The following PRDM16 variants were observed in gnomAD, a reference collection of about 807,000 sequenced individuals.
PRDM16 encodes PR/SET domain 16.
Under a neutral mutation model 110.6 loss-of-function variants are expected in PRDM16, and 23 were observed. That is an observed-to-expected ratio of 0.21 (90% CI 0.15 to 0.29). The LOEUF is 0.29. Among genes scored for constraint, PRDM16 ranks in the 10% least tolerant of loss-of-function variants. The pLI is 1.00. For synonymous variants in PRDM16, 799 were observed against 781.8 expected (o/e 1.02, Z -0.37); for missense variants, 1,615 against 1,794.3 (o/e 0.90, Z 1.81).
chr1:3,297,458 A>C (rs1161390755), intron 3 of PRDM16, among the ~76,000 whole-genome samples: 1 of 151,826 alleles, frequency 6.6e-6, no homozygotes, highest in Non-Finnish European at 1.5e-5. Flanking sequence ...TAATTTTTGT[A>C]TCTTTAGTAG....
In PRDM16 at chr1:3,195,217, G is replaced by A. The variant is rs75555907; in HGVS notation, c.387+8743G>A. On this transcript the variant is annotated intron_variant, in intron 2 of 16. Transcript: ENST00000270722. ...CCTCGGCGTTGCTCCGGGAGAAGCC[G>A]GCAGTGCCGTGGAGGAGTCACAGCA... is the stretch of plus-strand genomic sequence containing the variant. Among the ~76,000 whole-genome samples, 85 of 152,328 alleles carry A rather than the reference G, an allele frequency of 5.6e-4. No individual in the cohort carries two copies. In the East Asian group the frequency reaches 0.012, roughly 21 times the overall value.
chr1:3,402,654 G>A, intron 5 of PRDM16, 137 bp from the exon 6 acceptor site: 1 of 688,470 alleles, frequency 1.5e-6, no homozygotes, highest in Non-Finnish European at 2.5e-6. Flanking sequence ...AAGGCTGGAA[G>A]GAAGCAGTGC....
chr1:3,390,164 G>C lies in PRDM16; in HGVS notation c.573+4878G>C, dbSNP rs543647933. ...CGATGAAGCGCCTGCGGGGGGATGC[G>C]GGAGGCAGGGAGGAGCTGTCACAGC... On this transcript the variant is annotated intron_variant, in intron 4 of 16. Coordinates refer to ENST00000270722, the MANE Select transcript of PRDM16 (RefSeq NM_022114.4). This position sits in a 1 kb window ranked among gnomAD's most constrained non-coding sequence, Gnocchi z 5.0. 6.6e-6 allele frequency among the ~76,000 whole-genome samples: 1 copy of C among 152,196 alleles called. No individual in the cohort carries two copies. Among genetic ancestry groups the C allele is most frequent in the Non-Finnish European group, 1.5e-5 (1 of 68,036 alleles).
At chr1:3,387,913 T>A (rs1173443273) in intron 4 of PRDM16, among the ~76,000 whole-genome samples, 1 of 152,278 alleles carries the variant, frequency 6.6e-6, no homozygotes, top group Non-Finnish European at 1.5e-5. Flanking sequence ...AGGGATATAA[T>A]AGATTTCAAT....
At chr1:3,395,983 G>T (rs1643379628) in intron 4 of PRDM16, among the ~76,000 whole-genome samples, 1 of 152,192 alleles carries the variant, frequency 6.6e-6, no homozygotes, top group Non-Finnish European at 1.5e-5. Flanking sequence ...CCTGGCTCAT[G>T]GCATCCCCGC....
At chr1:3,129,059 T>TG (rs1643274823) in intron 1 of PRDM16, among the ~76,000 whole-genome samples, 1 of 151,920 alleles carries the variant, frequency 6.6e-6, no homozygotes, top group South Asian at 2.1e-4. Flanking sequence ...CATGTGTGTG[T>TG]GGGGGGTTGC....
intron 3 of PRDM16, among the ~76,000 whole-genome samples, chr1:3,289,352 G>A (rs1256323881): frequency 3.3e-5 from 5 of 152,248 alleles, no homozygotes; most frequent in Non-Finnish European, 7.3e-5. Context: ...GTGTCCCGAT[G>A]CCCGCCGGAG....
Position 3,412,768 on chromosome 1 carries a change from G to GC in PRDM16, c.2574dup (p.Ser859LeufsTer124). The GC allele has an allele frequency of 6.7e-7, 1 of 1,487,514 alleles. No individual in the cohort carries two copies. Among genetic ancestry groups the GC allele is most frequent in the Admixed American group, 2.4e-5 (1 of 42,124 alleles). The allele number at this position is 1,487,514 out of a possible 1,614,324, so 92.1% of individuals were successfully genotyped here. ...AGCAGCCCCCGCTCCACTACGCCAA[G>GC]CCCTCGCCCTTCTTCATGGACCCCA... On this transcript the variant is annotated frameshift_variant, in exon 9 of 17. Coordinates refer to ENST00000270722, the MANE Select transcript of PRDM16 (RefSeq NM_022114.4). LOFTEE classifies it high-confidence loss of function.
chr1:3,235,822 G>A (rs1236543653), intron 2 of PRDM16, among the ~76,000 whole-genome samples: 34 of 152,216 alleles, frequency 2.2e-4, no homozygotes, highest in Admixed American at 2.2e-3. Flanking sequence ...ATCTCCCCCA[G>A]GCCCCTCATT....
chr1:3,222,295 G>A (rs968673449), intron 2 of PRDM16, among the ~76,000 whole-genome samples: 1 of 149,710 alleles, frequency 6.7e-6, no homozygotes, highest in African/African-American at 2.5e-5. Context: ...AGGGAGCGGT[G>A]CCCCAGCTGC....
At chr1:3,288,027 C>T (rs1487434462) in intron 3 of PRDM16, among the ~76,000 whole-genome samples, 1 of 152,260 alleles carries the variant, frequency 6.6e-6, no homozygotes, top group Non-Finnish European at 1.5e-5. Context: ...GAGGCCCTGA[C>T]CAAGCCCAGG....
At chr1:3,202,300 C>T (rs1302984026) in intron 2 of PRDM16, among the ~76,000 whole-genome samples, 2 of 151,492 alleles carry the variant, frequency 1.3e-5, no homozygotes, top group East Asian at 3.9e-4. Flanking sequence ...GGGCCTCCTG[C>T]TTCCCCCATC....
intron 3 of PRDM16, among the ~76,000 whole-genome samples, chr1:3,248,913 C>T (rs1322614101): frequency 6.6e-6 from 1 of 152,156 alleles, no homozygotes; most frequent in East Asian, 1.9e-4. Context: ...GGACTGGGGG[C>T]TAATGAAGGA....
intron 1 of PRDM16, among the ~76,000 whole-genome samples, chr1:3,079,425 G>T (rs1311648136): frequency 1.3e-5 from 2 of 151,986 alleles, no homozygotes; most frequent in Non-Finnish European, 2.9e-5. Context: ...GGGCTGTCAG[G>T]GGGACTGTCC....
chr1:3,156,916 T>C (rs894036635), intron 1 of PRDM16, among the ~76,000 whole-genome samples: 3 of 152,206 alleles, frequency 2.0e-5, no homozygotes, highest in Middle Eastern at 3.2e-3. Context: ...GGCCTCCAGC[T>C]GCCTCGGTGG....
intron 1 of PRDM16, among the ~76,000 whole-genome samples, chr1:3,078,608 G>A (rs975283465): frequency 5.9e-5 from 9 of 152,382 alleles, no homozygotes; most frequent in African/African-American, 1.9e-4. Flanking sequence ...CTTTGCTGCT[G>A]TGAGCCTCTG....
In PRDM16 at chr1:3,175,582, G is replaced by T. The variant is rs757192173; in HGVS notation, c.38-10543G>T. Among the ~76,000 whole-genome samples, 1 of 152,118 alleles carries T rather than the reference G, an allele frequency of 6.6e-6. No homozygotes were observed. The highest frequency in any genetic ancestry group is 1.5e-5 in the Non-Finnish European group (1 of 68,028). ...CTCCTCCCTGCTTGGTTCTGAGAAG[G>T]AAAAGAGGAGCCAGAGGATGGGGCC... On this transcript the variant is annotated intron_variant, in intron 1 of 16. Coordinates refer to ENST00000270722, the MANE Select transcript of PRDM16 (RefSeq NM_022114.4). The surrounding 1 kb of genome is among the most constrained non-coding windows in gnomAD (Gnocchi z 4.8).
At chr1:3,345,160 T>C (rs1172341185) in intron 3 of PRDM16, among the ~76,000 whole-genome samples, 1 of 152,256 alleles carries the variant, frequency 6.6e-6, no homozygotes, top group East Asian at 1.9e-4. Context: ...CACAGTGGCC[T>C]TGAGGGAATA....
intron 1 of PRDM16, among the ~76,000 whole-genome samples, chr1:3,118,211 GCA>G (rs1202416533): frequency 2.0e-5 from 3 of 151,428 alleles, no homozygotes; most frequent in Non-Finnish European, 2.9e-5. Context: ...ACGCACACAC[GCA>G]CACACACACG....
Sources: gnomAD v4.1 joint callset for allele counts (sites outside exome capture counted in the v4.1 genomes callset) on GRCh38, gnomAD v4.1.1 for gene constraint, Gnocchi (gnomAD v3.1) non-coding constraint, MANE v1.5 for transcripts, NCBI Gene and HGNC (gene_info 2026-07-23, HGNC 2026-07-21) for gene names.